MCMBP: variants seen among roughly 807,000 people sequenced by gnomAD.
MCMBP encodes minichromosome maintenance complex binding protein, also known as mini-chromosome maintenance complex-binding protein.
In MCMBP, 31 loss-of-function variants were observed where a neutral mutation model predicts 81.3. The ratio of observed to expected loss-of-function variants is 0.38; its 90% CI spans 0.29 to 0.51. The LOEUF is 0.51. MCMBP is among the 20% of genes least tolerant of loss of function. MCMBP has a pLI of 0.87. For synonymous variants in MCMBP, 267 were observed against 275.9 expected (o/e 0.97, Z 0.32); for missense variants, 645 against 772.1 (o/e 0.84, Z 1.95).
chr10:119,833,491 A>C (rs1182745753), intron 14 of MCMBP, among the ~76,000 whole-genome samples: 3 of 151,876 alleles, frequency 2.0e-5, no homozygotes, highest in Non-Finnish European at 2.9e-5. Flanking sequence ...AAAAAAAGAA[A>C]GAAAAAAAAA....
intron 12 of MCMBP, among the ~76,000 whole-genome samples, chr10:119,837,991 C>T (rs896471757): frequency 2.0e-5 from 3 of 151,920 alleles, no homozygotes; most frequent in East Asian, 1.9e-4. Flanking sequence ...GGCAACATAG[C>T]GAGACCCTGT....
intron 15 of MCMBP, 50 bp from the exon 16 acceptor site, chr10:119,831,650 T>G: frequency 6.3e-7 from 1 of 1,589,914 alleles, no homozygotes; most frequent in Non-Finnish European, 8.5e-7. Flanking sequence ...GGATAGTAAG[T>G]TTTAAATTTT....
intron 5 of MCMBP, among the ~76,000 whole-genome samples, chr10:119,853,474 T>C (rs1421617136): frequency 6.6e-6 from 1 of 152,204 alleles, no homozygotes; most frequent in Non-Finnish European, 1.5e-5. Flanking sequence ...GATCCTTGAA[T>C]GAGGAGAAAC....
Position 119,857,457 on chromosome 10 carries a change from AGTG to A in MCMBP, c.328-21_328-19del. 1.3e-6 allele frequency: 2 copies of A among 1,528,326 alleles called. No individual in the cohort carries two copies. Among genetic ancestry groups the A allele is most frequent in the Non-Finnish European group, 1.8e-6 (2 of 1,131,552 alleles). The allele number at this position is 1,528,326 out of a possible 1,614,324, so 94.7% of individuals were successfully genotyped here. On this transcript the variant is annotated intron_variant, in intron 4 of 15. Coordinates refer to ENST00000369077, the MANE Select transcript of MCMBP (RefSeq NM_001256378.2). ...TGTTGAGGCTGTGATATACATAAAA[AGTG>A]TTTTTAAAAATTTACTTTAAAAAAC...
intron 15 of MCMBP, 87 bp from the exon 16 acceptor site, chr10:119,831,687 A>G: frequency 6.8e-7 from 1 of 1,467,428 alleles, no homozygotes; most frequent in Non-Finnish European, 9.2e-7. Flanking sequence ...TACTTTGTGA[A>G]AACACAGAGC....
chr10:119,835,614 C>T lies in MCMBP; in HGVS notation c.1633G>A (p.Val545Met), dbSNP rs769222269. ...NSLLSAVLPS[V>M]LNKFRIYLTL... is the part of the protein sequence containing the mutation. ...AGATAAATGCGGAATTTGTTCAGCA[C>T]GGAAGGCAGCACCGCTGAGAGAAGG... Residue 545 changes from valine to methionine, a missense_variant, in exon 14 of 16, where the codon GTG (valine) becomes ATG (methionine). Physicochemically the swap from Val to Met is conservative, Grantham distance 21. Transcript: ENST00000369077. The T allele has an allele frequency of 3.6e-5, 58 of 1,614,050 alleles. No homozygotes were observed. Among genetic ancestry groups the T allele is most frequent in the Admixed American group, 1.0e-4 (6 of 60,004 alleles).
Position 119,866,103 on chromosome 10 carries a change from A to AC in MCMBP, c.59-6220_59-6219insG, listed in dbSNP as rs1325972934. On this transcript the variant is annotated intron_variant, in intron 1 of 15. Coordinates refer to ENST00000369077, the MANE Select transcript of MCMBP (RefSeq NM_001256378.2). The stretch of plus-strand genomic sequence containing the variant: ...AGGCTCTATCTCTTAAAAAAAAAAA[A>AC]AAAAGGAATGCAGTACTGATGCATA... 5.3e-5 allele frequency among the ~76,000 whole-genome samples: 8 copies of AC among 152,152 alleles called. No individual in the cohort carries two copies. The East Asian group carries it at 1.5e-3, about 29-fold the overall frequency.
chr10:119,868,415 G>A (rs1853548488), intron 1 of MCMBP, among the ~76,000 whole-genome samples: 2 of 152,166 alleles, frequency 1.3e-5, no homozygotes, highest in South Asian at 4.1e-4. Context: ...AACAGAGCAA[G>A]ACACTGACTC....
At chr10:119,867,491 G>C (rs907919481) in intron 1 of MCMBP, among the ~76,000 whole-genome samples, 1 of 152,064 alleles carries the variant, frequency 6.6e-6, no homozygotes, top group Non-Finnish European at 1.5e-5. Context: ...ATGTTGAGGT[G>C]TGGATAACAG....
At chr10:119,873,570 G>GGA (rs1259712087), upstream of MCMBP, 2 of 152,264 alleles carry the variant, frequency 1.3e-5, no homozygotes, top group African/African-American at 4.8e-5. Context: ...AGGATACCCT[G>GGA]GAGAAGGAAG....
At chr10:119,866,698 T>C (rs1304619848) in intron 1 of MCMBP, among the ~76,000 whole-genome samples, 5 of 152,102 alleles carry the variant, frequency 3.3e-5, no homozygotes, top group Non-Finnish European at 5.9e-5. Flanking sequence ...AAAAATTCAA[T>C]TGTACATTTT....
intron 1 of MCMBP, among the ~76,000 whole-genome samples, chr10:119,861,508 G>A (rs966179637): frequency 6.6e-6 from 1 of 151,976 alleles, no homozygotes; most frequent in Non-Finnish European, 1.5e-5. Flanking sequence ...TTTAAGAATC[G>A]CTGCTCTACT....
At position 119,843,346 on chromosome 10, in the gene MCMBP, A is replaced by G; in HGVS notation, c.908T>C (p.Leu303Ser). Residue 303 changes from leucine to serine, a missense_variant, in exon 9 of 16, where the codon TTA becomes TCA. Leu to Ser is a moderately radical substitution (Grantham distance 145, BLOSUM62 -2). Transcript: ENST00000369077. ...TAAGATCACATGAATTCTCGGCACT[A>G]ATGAAGCAGGAGGACTGTGTACTCT... ...EQRVHSPPAS[L>S]VPRIHVILAQ... The G allele has an allele frequency of 6.2e-7, 1 of 1,614,082 alleles. No homozygotes were observed. The highest frequency in any genetic ancestry group is 8.5e-7 in the Non-Finnish European group (1 of 1,179,938).
At position 119,830,466 on chromosome 10, in the gene MCMBP, A is replaced by G. The variant is rs1851979394; in HGVS notation, c.*1008T>C. 1 of 152,228 alleles carries G rather than the reference A, an allele frequency of 6.6e-6. No homozygotes were observed. Among genetic ancestry groups the G allele is most frequent in the African/African-American group, 2.4e-5 (1 of 41,464 alleles). 9.4% of individuals were successfully genotyped at this position (152,228 alleles called of 1,614,324 possible). ...ATACTTGGAACCAACTGATGATCCCATAAAAAATGCCAAAAATCCAATAGA... is the reference window on the plus strand; with the variant it reads ...ATACTTGGAACCAACTGATGATCCCGTAAAAAATGCCAAAAATCCAATAGA... On this transcript the variant is annotated 3_prime_UTR_variant, in exon 16 of 16. Coordinates refer to ENST00000369077, the MANE Select transcript of MCMBP (RefSeq NM_001256378.2).
intron 14 of MCMBP, 104 bp downstream of exon 14, chr10:119,835,436 G>A: frequency 2.8e-6 from 3 of 1,065,690 alleles, no homozygotes; most frequent in East Asian, 2.5e-5. Context: ...AGACATGACA[G>A]AAAACAAATA....
chr10:119,865,417 C>A (rs1853417511), intron 1 of MCMBP, among the ~76,000 whole-genome samples: 1 of 152,140 alleles, frequency 6.6e-6, no homozygotes, highest in Non-Finnish European at 1.5e-5. Flanking sequence ...CATGGTGAAA[C>A]CTCATCTCTA....
chr10:119,854,087 T>C (rs1852933791), intron 5 of MCMBP, among the ~76,000 whole-genome samples: 1 of 150,836 alleles, frequency 6.6e-6, no homozygotes, highest in Non-Finnish European at 1.5e-5. Context: ...GTTGCCTAGG[T>C]TGGAGTGCAG....
chr10:119,852,912 T>C, intron 6 of MCMBP, 138 bp downstream of exon 6: 1 of 1,067,402 alleles, frequency 9.4e-7, no homozygotes, highest in Non-Finnish European at 1.4e-6. Context: ...CAGAGTACTG[T>C]AAAAACTCTC....
intron 10 of MCMBP, among the ~76,000 whole-genome samples, chr10:119,841,185 T>G (rs986538769): frequency 1.3e-5 from 2 of 152,246 alleles, no homozygotes; most frequent in East Asian, 3.8e-4. Context: ...AAATGCTTCC[T>G]CATTTAACCC....
Sources: allele counts gnomAD v4.1 joint callset (sites outside exome capture counted in the v4.1 genomes callset), GRCh38; gene constraint gnomAD v4.1.1; transcripts MANE v1.5; gene names NCBI Gene and HGNC (gene_info 2026-07-23, HGNC 2026-07-21).